Variants in C1QTNF2 observed in about 807,000 individuals in gnomAD.
The protein encoded by C1QTNF2 is C1q and TNF related 2.
Under a neutral mutation model 17.4 loss-of-function variants are expected in C1QTNF2, and 15 were observed. The ratio of observed to expected loss-of-function variants is 0.86; its 90% CI spans 0.58 to 1.33. The LOEUF (loss-of-function observed/expected upper bound fraction) is 1.33, where lower values mean the gene tolerates loss of function less well. Among genes scored for constraint, C1QTNF2 ranks in the 40% most tolerant of loss-of-function variants. The pLI is 0.00. For synonymous variants in C1QTNF2, 154 were observed against 163.3 expected (o/e 0.94, Z 0.44); for missense variants, 381 against 392.3 (o/e 0.97, Z 0.24).
intron 1 of C1QTNF2, among the ~76,000 whole-genome samples, chr5:160,364,567 C>T (rs1326220086): frequency 6.6e-6 from 1 of 152,198 alleles, no homozygotes; most frequent in East Asian, 1.9e-4. Context: ...GTAATTGCCA[C>T]TAACTGCAGT....
intron 1 of C1QTNF2, among the ~76,000 whole-genome samples, chr5:160,368,995 G>A (rs1339493926): frequency 6.6e-6 from 1 of 151,266 alleles, no homozygotes; most frequent in Non-Finnish European, 1.5e-5. Context: ...ACATGGCGAA[G>A]ACACACTGTT....
At chr5:160,358,734 G>A (rs1239437692) in intron 1 of C1QTNF2, among the ~76,000 whole-genome samples, 1 of 152,126 alleles carries the variant, frequency 6.6e-6, no homozygotes, top group Non-Finnish European at 1.5e-5. Context: ...CAAGGCAGAA[G>A]CAAACTGACC....
chr5:160,355,562 C>T (rs1417108031), intron 1 of C1QTNF2, among the ~76,000 whole-genome samples: 6 of 152,158 alleles, frequency 3.9e-5, no homozygotes, highest in African/African-American at 7.2e-5. Flanking sequence ...GGTAGCAGCT[C>T]CTCCCCCAAG....
intron 1 of C1QTNF2, among the ~76,000 whole-genome samples, chr5:160,356,330 A>T (rs1764050147): frequency 2.0e-5 from 3 of 152,210 alleles, no homozygotes; most frequent in African/African-American, 7.2e-5. Context: ...TCACCTGAAC[A>T]ACAGGGGCTG....
rs1763882993 is a variant in C1QTNF2 at position 160,349,836 on chromosome 5, G to C, written c.245-55C>G. The C allele has an allele frequency of 6.7e-7, 1 of 1,494,802 alleles. No individual in the cohort carries two copies. The highest frequency in any genetic ancestry group is 1.4e-5 in the South Asian group (1 of 73,248). 92.6% of individuals were successfully genotyped at this position (1,494,802 alleles called of 1,614,324 possible). On this transcript the variant is annotated intron_variant, in intron 2 of 2. Transcript: ENST00000652664. This position sits in a 1 kb window ranked among gnomAD's most constrained non-coding sequence, Gnocchi z 4.3. The stretch of plus-strand genomic sequence containing the variant: ...GGGTCCTCACAGACCTAGGCAGAGG[G>C]GTGCGGTGCGGCTTGGTCTTCCAAT...
At chr5:160,366,971 C>A (rs2113538043) in intron 1 of C1QTNF2, among the ~76,000 whole-genome samples, 1 of 138,904 alleles carries the variant, frequency 7.2e-6, no homozygotes, top group East Asian at 2.1e-4. Flanking sequence ...CTGCAGTGAA[C>A]AGAGATTGTG....
At position 160,364,399 on chromosome 5, in the gene C1QTNF2, T is replaced by C. The variant is rs139422877; in HGVS notation, c.-10+6113A>G. 2.6e-5 allele frequency among the ~76,000 whole-genome samples: 4 copies of C among 152,352 alleles called. No individual in the cohort carries two copies. The East Asian group carries it at 7.7e-4, about 29-fold the overall frequency. On this transcript the variant is annotated intron_variant, in intron 1 of 2. Transcript: ENST00000652664. ...AATAGAACCTACCTTAGACAGTTGT[T>C]ACGAGGATTTAATGTTTCTAGAATA...
chr5:160,362,716 T>A (rs1053098180), intron 1 of C1QTNF2, among the ~76,000 whole-genome samples: 8 of 152,124 alleles, frequency 5.3e-5, no homozygotes, highest in African/African-American at 1.9e-4. Context: ...CTCACTTGGC[T>A]ACTGAGGAAA....
At chr5:160,369,235 G>T (rs1420763237) in intron 1 of C1QTNF2, among the ~76,000 whole-genome samples, 2 of 152,126 alleles carry the variant, frequency 1.3e-5, no homozygotes, top group Non-Finnish European at 2.9e-5. Context: ...TTCTTGTGAT[G>T]AGCGTCGTTA....
intron 1 of C1QTNF2, among the ~76,000 whole-genome samples, chr5:160,365,984 G>A (rs1275971530): frequency 1.3e-5 from 2 of 152,132 alleles, no homozygotes; most frequent in African/African-American, 2.4e-5. Context: ...GATTATTGGG[G>A]AACAGGTGGT....
chr5:160,355,948 A>C (rs1315148644), intron 1 of C1QTNF2, among the ~76,000 whole-genome samples: 2 of 152,282 alleles, frequency 1.3e-5, no homozygotes, highest in African/African-American at 4.8e-5. Flanking sequence ...TGGCAGGGCT[A>C]AGGTTTGAAC....
chr5:160,349,522 C>T lies in C1QTNF2; in HGVS notation c.504G>A (p.Lys168=). 6.2e-7 allele frequency: 1 copy of T among 1,614,060 alleles called. No individual in the cohort carries two copies. Among genetic ancestry groups the T allele is most frequent in the Non-Finnish European group, 8.5e-7 (1 of 1,180,024 alleles). Residue 168 remains lysine (K), a synonymous_variant, in exon 3 of 3, where the codon AAG becomes AAA. Coordinates refer to ENST00000652664, the MANE Select transcript of C1QTNF2 (RefSeq NM_031908.6). This position sits in a 1 kb window ranked among gnomAD's most constrained non-coding sequence, Gnocchi z 4.3. Reference sequence around the variant, plus strand: ...CCTCGTTCATCAGAATCTTGTCAAACTTGATGGGCAGCCGCTCCCGTGGGT... The same window carrying T: ...CCTCGTTCATCAGAATCTTGTCAAATTTGATGGGCAGCCGCTCCCGTGGGT... The part of the protein sequence containing the change: ...KSYPRERLPI[K]FDKILMNEGG...
At chr5:160,356,861 C>G (rs1202502964) in intron 1 of C1QTNF2, among the ~76,000 whole-genome samples, 3 of 152,182 alleles carry the variant, frequency 2.0e-5, no homozygotes, top group South Asian at 4.1e-4. Flanking sequence ...CCCTCAGAAA[C>G]AGGCTGACCA....
In C1QTNF2 at chr5:160,349,048, T is replaced by G. The variant is rs1581030122; in HGVS notation, c.*120A>C. 8.0e-7 allele frequency: 1 copy of G among 1,245,252 alleles called. No individual in the cohort carries two copies. The highest frequency in any genetic ancestry group is 1.1e-6 in the Non-Finnish European group (1 of 903,088). The allele number at this position is 1,245,252 out of a possible 1,614,324, so 77.1% of individuals were successfully genotyped here. On this transcript the variant is annotated 3_prime_UTR_variant, in exon 3 of 3. Coordinates refer to ENST00000652664, the MANE Select transcript of C1QTNF2 (RefSeq NM_031908.6). The surrounding 1 kb of genome is among the most constrained non-coding windows in gnomAD (Gnocchi z 4.3). ...AGGGGAAAAAAAGAGGCAGAGGAGG[T>G]GAGCCTGAGGCTAGAACCGCTCACT...
At chr5:160,353,255 T>C (rs1463076293) in intron 2 of C1QTNF2, among the ~76,000 whole-genome samples, 1 of 152,214 alleles carries the variant, frequency 6.6e-6, no homozygotes, top group African/African-American at 2.4e-5. Context: ...AAAATTATTA[T>C]ATTTCTCTAC....
intron 2 of C1QTNF2, among the ~76,000 whole-genome samples, chr5:160,352,167 C>T (rs2113504994): frequency 1.3e-5 from 2 of 152,248 alleles, no homozygotes; most frequent in South Asian, 4.1e-4. Context: ...CCTTGGCCTC[C>T]CAAACTGCTG....
chr5:160,350,058 G>T (rs1441514672), intron 2 of C1QTNF2, among the ~76,000 whole-genome samples: 10 of 152,194 alleles, frequency 6.6e-5, no homozygotes, highest in Non-Finnish European at 8.8e-5. Context: ...CTAAGGAAGG[G>T]TCTGGTCTGT....
At chr5:160,356,148 T>A (rs1185184071) in intron 1 of C1QTNF2, among the ~76,000 whole-genome samples, 1 of 152,186 alleles carries the variant, frequency 6.6e-6, no homozygotes, top group Non-Finnish European at 1.5e-5. Context: ...TTGCCCAAGA[T>A]CTCTCAACAA....
intron 2 of C1QTNF2, among the ~76,000 whole-genome samples, chr5:160,350,974 A>T (rs1011627887): frequency 2.0e-5 from 3 of 151,718 alleles, no homozygotes; most frequent in Non-Finnish European, 4.4e-5. Context: ...ATGGTCTTAA[A>T]CTCCTGACCT....
Sources: gnomAD v4.1 joint callset for allele counts (sites outside exome capture counted in the v4.1 genomes callset) on GRCh38, gnomAD v4.1.1 for gene constraint, Gnocchi (gnomAD v3.1) non-coding constraint, MANE v1.5 for transcripts, NCBI Gene and HGNC (gene_info 2026-07-23, HGNC 2026-07-21) for gene names.